GGA1: variants seen among roughly 807,000 people sequenced by gnomAD.
GGA1 encodes the protein golgi associated, gamma adaptin ear containing, ARF binding protein 1.
A neutral mutation model predicts 76.9 loss-of-function variants in GGA1; 18 were observed. The observed-to-expected ratio is 0.23, with a 90% CI of 0.16 to 0.35. The LOEUF (loss-of-function observed/expected upper bound fraction) is 0.35. Ranked by LOEUF, GGA1 falls within the 10% of genes least tolerant of loss-of-function variation. The pLI is 1.00. For missense variants in GGA1, 755 were observed against 859.0 expected (o/e 0.88, Z 1.51); for synonymous variants, 342 against 354.7 (o/e 0.96, Z 0.40).
rs1601537327 is a variant in GGA1 at position 37,623,472 on chromosome 22, A to C, written c.750+5A>C. ...AGCAGCGAGGACCTCATGAAGGTGC[A>C]CCTGCCTCCCTGCCTACCCCACTCC... On this transcript the variant is annotated splice_donor_5th_base_variant and intron_variant, in intron 8 of 16. Coordinates refer to ENST00000343632, the MANE Select transcript of GGA1 (RefSeq NM_013365.5). The surrounding 1 kb of genome is among the most constrained non-coding windows in gnomAD (Gnocchi z 4.6). 6.2e-7 allele frequency: 1 copy of C among 1,613,846 alleles called. No homozygotes were observed. Among genetic ancestry groups the C allele is most frequent in the Non-Finnish European group, 8.5e-7 (1 of 1,179,908 alleles).
rs777916070 is a variant in GGA1 at position 37,620,808 on chromosome 22, T to A, written c.428-5T>A. 2.5e-6 allele frequency: 4 copies of A among 1,575,962 alleles called. No individual in the cohort carries two copies. The highest frequency in any genetic ancestry group is 3.5e-6 in the Non-Finnish European group (4 of 1,145,218). On this transcript the variant is annotated splice_polypyrimidine_tract_variant and splice_region_variant and intron_variant, in intron 5 of 16. Coordinates refer to ENST00000343632, the MANE Select transcript of GGA1 (RefSeq NM_013365.5). ...GACAGCCTTTCTGACACTCATCTAA[T>A]CCAGGGATTGTAAAGTCCGACCCCA... is the stretch of plus-strand genomic sequence containing the variant.
rs369421250 is a variant in GGA1 at position 37,631,018 on chromosome 22, C to T, written c.1447C>T (p.Pro483Ser). The T allele has an allele frequency of 2.5e-5, 40 of 1,612,730 alleles. No homozygotes were observed. Among genetic ancestry groups the T allele is most frequent in the Non-Finnish European group, 3.1e-5 (36 of 1,179,368 alleles). ...CCTTCTCCACACCGTGTCCCCAGAGCCCCCCAGGCCTCCGCAGCAGCCCGT... is the reference window on the plus strand; with the variant it reads ...CCTTCTCCACACCGTGTCCCCAGAGTCCCCCAGGCCTCCGCAGCAGCCCGT... ...TSLLHTVSPE[P>S]PRPPQQPVPT... is the part of the protein sequence containing the mutation. Residue 483 changes from proline to serine, a missense_variant, in exon 14 of 17, where the codon CCC becomes TCC. Transcript: ENST00000343632.
chr22:37,623,532 G>T lies in GGA1; in HGVS notation c.751-20G>T. On this transcript the variant is annotated intron_variant, in intron 8 of 16. Coordinates refer to ENST00000343632, the MANE Select transcript of GGA1 (RefSeq NM_013365.5). This position sits in a 1 kb window ranked among gnomAD's most constrained non-coding sequence, Gnocchi z 4.6. Reference sequence around the variant, plus strand: ...CCACAGCCCACGCGGACCCTGACCCGCCCATCCTGCTGCCCTCAGGAACTG... The same window carrying T: ...CCACAGCCCACGCGGACCCTGACCCTCCCATCCTGCTGCCCTCAGGAACTG... The T allele has an allele frequency of 1.2e-6, 2 of 1,612,432 alleles. No homozygotes were observed. The highest frequency in any genetic ancestry group is 1.7e-6 in the Non-Finnish European group (2 of 1,178,986).
rs1022459809 is a variant in GGA1 at position 37,624,302 on chromosome 22, C to G, written c.833-667C>G. On this transcript the variant is annotated intron_variant, in intron 9 of 16. Transcript: ENST00000343632. The surrounding 1 kb of genome is among the most constrained non-coding windows in gnomAD (Gnocchi z 4.3). ...AGGCCCTCAGGGATCTGGCACTGAT[C>G]AAAGTTTGCAAAACGCCGGGTGCAG... The G allele has an allele frequency of 1.3e-5, 2 of 154,310 alleles. No homozygotes were observed. The highest frequency in any genetic ancestry group is 2.9e-5 in the Non-Finnish European group (2 of 69,410). The allele number at this position is 154,310 out of a possible 1,614,324, so 9.6% of individuals were successfully genotyped here.
At chr22:37,629,920 CTG>C (rs1403091653) in intron 12 of GGA1, 76 bp from the exon 13 acceptor site, 24 of 1,013,646 alleles carry the variant, frequency 2.4e-5, no homozygotes, top group Middle Eastern at 2.1e-4. Context: ...AAGGAGGACA[CTG>C]AGCCTCAGGG....
At chr22:37,613,575 AT>A (rs1489770904) in intron 1 of GGA1, among the ~76,000 whole-genome samples, 1 of 151,806 alleles carries the variant, frequency 6.6e-6, no homozygotes, top group African/African-American at 2.4e-5. Context: ...TAATTTTTGT[AT>A]TTTTAGTAGA....
At chr22:37,622,833 T>A (rs1930140971) in intron 7 of GGA1, among the ~76,000 whole-genome samples, 1 of 152,128 alleles carries the variant, frequency 6.6e-6, no homozygotes, top group Non-Finnish European at 1.5e-5. Context: ...GCCGGGCTGC[T>A]CCCAAAAGCA....
At chr22:37,621,284 C>T (rs1468810519) in intron 6 of GGA1, among the ~76,000 whole-genome samples, 1 of 152,174 alleles carries the variant, frequency 6.6e-6, no homozygotes, top group African/African-American at 2.4e-5. Context: ...AAAAGGTCCC[C>T]TCTCCCCAGT....
Position 37,625,915 on chromosome 22 carries a change from A to G in GGA1, c.1059A>G (p.Ser353=). The G allele has an allele frequency of 6.2e-7, 1 of 1,601,458 alleles. No individual in the cohort carries two copies. The highest frequency in any genetic ancestry group is 8.5e-7 in the Non-Finnish European group (1 of 1,173,878). Residue 353 remains serine (S), a synonymous_variant, in exon 11 of 17, where the codon TCA becomes TCG. Transcript: ENST00000343632. This position sits in a 1 kb window ranked among gnomAD's most constrained non-coding sequence, Gnocchi z 4.1. ...EQASPEQPSA[S]VSLLDDELMS... is the part of the protein sequence containing the mutation. The stretch of plus-strand genomic sequence containing the variant: ...CCAGCCCTGAGCAGCCCAGTGCCTC[A>G]GTTTCCCTGCTTGACGACGAGCTCA...
rs762756196 is a variant in GGA1, at chr22:37,620,404, C to T, written c.427+43C>T. 14 of 1,608,350 alleles carry T rather than the reference C, an allele frequency of 8.7e-6. No homozygotes were observed. The East Asian group carries it at 2.9e-4, about 33-fold the overall frequency. ...TGGGGGGCGACCAGGGCCTGCCTTC[C>T]CCTCCCCCACCATGAGCTGGGGCTC... is the stretch of plus-strand genomic sequence containing the variant. On this transcript the variant is annotated intron_variant, in intron 5 of 16. Coordinates refer to ENST00000343632, the MANE Select transcript of GGA1 (RefSeq NM_013365.5).
chr22:37,620,454 C>A, intron 5 of GGA1, 93 bp downstream of exon 5: 1 of 1,361,954 alleles, frequency 7.3e-7, no homozygotes, highest in Non-Finnish European at 1.0e-6. Context: ...GCTTCTGAGC[C>A]AGCAAGGTCA....
chr22:37,619,988 T>C (rs2145928364), intron 4 of GGA1: 1 of 621,822 alleles, frequency 1.6e-6, no homozygotes, highest in Non-Finnish European at 2.9e-6. Flanking sequence ...CTCATGTCAG[T>C]TCTGCATCCT....
chr22:37,609,283 G>A, intron 1 of GGA1: 1 of 1,129,686 alleles, frequency 8.9e-7, no homozygotes, highest in South Asian at 1.9e-5. Flanking sequence ...TCTCACACCC[G>A]GGAGGGAGGG....
chr22:37,614,591 G>A (rs1928392382), intron 2 of GGA1, among the ~76,000 whole-genome samples: 1 of 152,218 alleles, frequency 6.6e-6, no homozygotes, highest in Non-Finnish European at 1.5e-5. Context: ...TGTGGGGAAA[G>A]GCCCCCCAGA....
Position 37,625,473 on chromosome 22 carries a change from G to A in GGA1, c.941-324G>A, listed in dbSNP as rs1930650113. Among the ~76,000 whole-genome samples the A allele has an allele frequency of 1.3e-5, 2 of 152,154 alleles. No homozygotes were observed. Among genetic ancestry groups the A allele is most frequent in the African/African-American group, 4.8e-5 (2 of 41,434 alleles). On this transcript the variant is annotated intron_variant, in intron 10 of 16. Transcript: ENST00000343632. The surrounding 1 kb of genome is among the most constrained non-coding windows in gnomAD (Gnocchi z 4.1). ...ATGGCAGCCTTGGGGGGTCACAAAA[G>A]GGGTTAGAATTGGTTCTGTTAGGGA...
Position 37,620,854 on chromosome 22 carries a change from T to C in GGA1, c.469T>C (p.Phe157Leu), listed in dbSNP as rs749873760. The C allele has an allele frequency of 6.2e-7, 1 of 1,612,852 alleles. No individual in the cohort carries two copies. The highest frequency in any genetic ancestry group is 8.5e-7 in the Non-Finnish European group (1 of 1,178,816). The change falls in exon 6 of 17, where the codon TTT (phenylalanine) becomes CTT (leucine). Residue 157 changes from phenylalanine to leucine, a missense_variant. Transcript: ENST00000343632. Reference protein sequence around the residue: ...SDPKLPDDTTFPLPPPRPKNV... With the variant: ...SDPKLPDDTTLPLPPPRPKNV... ...CCCCAAGCTTCCAGATGACACTACC[T>C]TTCCCCTTCCTCCTCCACGGCCGAA... is the stretch of plus-strand genomic sequence containing the variant.
chr22:37,619,234 T>C (rs539096145), intron 4 of GGA1, among the ~76,000 whole-genome samples: 1 of 150,994 alleles, frequency 6.6e-6, no homozygotes, highest in African/African-American at 2.4e-5. Context: ...CCCGGCTAAT[T>C]TTTTGTATTT....
At chr22:37,609,936 T>C (rs1213682010) in intron 1 of GGA1, among the ~76,000 whole-genome samples, 1 of 152,150 alleles carries the variant, frequency 6.6e-6, no homozygotes, top group Non-Finnish European at 1.5e-5. Context: ...AACCATGAGG[T>C]TGGCCCCAGA....
chr22:37,629,202 A>G (rs1470985747), intron 11 of GGA1, among the ~76,000 whole-genome samples: 1 of 152,100 alleles, frequency 6.6e-6, no homozygotes, highest in African/African-American at 2.4e-5. Flanking sequence ...CCTGATGTCT[A>G]TTGTCTGTGT....
Sources: gnomAD v4.1 joint callset for allele counts (sites outside exome capture counted in the v4.1 genomes callset) on GRCh38, gnomAD v4.1.1 for gene constraint, Gnocchi (gnomAD v3.1) non-coding constraint, MANE v1.5 for transcripts, NCBI Gene and HGNC (gene_info 2026-07-23, HGNC 2026-07-21) for gene names.